Variants in SCN1A observed in about 807,000 individuals in gnomAD.
SCN1A encodes the protein sodium voltage-gated channel alpha subunit 1.
Under a neutral mutation model 193.7 loss-of-function variants are expected in SCN1A, and 13 were observed. The observed-to-expected ratio is 0.07, with a 90% CI of 0.04 to 0.11. SCN1A has a LOEUF of 0.11. Ranked by LOEUF, SCN1A falls within the 10% of genes least tolerant of loss-of-function variation. The pLI, the probability that SCN1A is intolerant of heterozygous loss-of-function variation, is 1.00. For missense variants in SCN1A, 1,432 were observed against 2,451.1 expected, an observed-to-expected ratio of 0.58 and a Z score of 8.78; for synonymous variants, 781 against 843.6, an observed-to-expected ratio of 0.93 and a Z score of 1.29.
chr2:166,060,291 C>T (rs1303012751), intron 4 of SCN1A: 1 of 152,156 alleles, frequency 6.6e-6, no homozygotes, highest in Admixed American at 6.5e-5. Context: ...CCTGTGCTTA[C>T]TAGAAGAACA....
intron 2 of SCN1A, among the ~76,000 whole-genome samples, chr2:166,092,215 A>T (rs1311788891): frequency 6.6e-6 from 1 of 152,088 alleles, no homozygotes; most frequent in Non-Finnish European, 1.5e-5. Flanking sequence ...AATCATGTGG[A>T]GATCTTTTTG....
intron 2 of SCN1A, among the ~76,000 whole-genome samples, chr2:166,100,683 CA>C (rs1687948742): frequency 6.9e-6 from 1 of 144,046 alleles, no homozygotes; most frequent in Non-Finnish European, 1.5e-5. Flanking sequence ...ACAACCCCAT[CA>C]AAAAGTGGGC....
chr2:166,098,759 G>A (rs964121131), intron 2 of SCN1A, among the ~76,000 whole-genome samples: 1 of 152,006 alleles, frequency 6.6e-6, no homozygotes, highest in African/African-American at 2.4e-5. Flanking sequence ...TCTCATTCAC[G>A]ATAGCCACGA....
chr2:166,058,656 G>T lies in SCN1A; in HGVS notation c.297C>A (p.Ile99=), dbSNP rs768294077. ...TFIVLNKGKA[I]FRFSATSALY... ...GGGCAGAGGTGGCACTGAACCGGAA[G>T]ATGGCCTTCCCTTTATTCAATACTA... The change falls in exon 5 of 29, where the codon ATC becomes ATA. Residue 99 remains isoleucine, a synonymous_variant. Coordinates refer to ENST00000674923, the MANE Select transcript of SCN1A (RefSeq NM_001165963.4). 6.2e-7 allele frequency: 1 copy of T among 1,610,988 alleles called. No homozygotes were observed. The highest frequency in any genetic ancestry group is 1.7e-5 in the Admixed American group (1 of 59,974).
intron 9 of SCN1A, among the ~76,000 whole-genome samples, chr2:166,050,637 A>G (rs1326558831): frequency 7.8e-5 from 6 of 77,216 alleles, no homozygotes; most frequent in South Asian, 3.5e-4. Flanking sequence ...ATATATATAT[A>G]TGTGTGTATA....
At chr2:166,134,537 T>C (rs1444690231) in intron 1 of SCN1A, among the ~76,000 whole-genome samples, 1 of 152,150 alleles carries the variant, frequency 6.6e-6, no homozygotes, top group Non-Finnish European at 1.5e-5. Context: ...TCAATCTAGC[T>C]CCACATGCGG....
At chr2:166,031,609 A>ATT (rs1314052939) in intron 19 of SCN1A, among the ~76,000 whole-genome samples, 5 of 152,184 alleles carry the variant, frequency 3.3e-5, no homozygotes, top group African/African-American at 1.2e-4. Flanking sequence ...TACAGAGGGC[A>ATT]AAAGGCAAAC....
At chr2:166,140,769 T>C (rs76425918) in intron 1 of SCN1A, among the ~76,000 whole-genome samples, 1,923 of 152,328 alleles carry the variant, frequency 0.013, 47 homozygotes, top group African/African-American at 0.043. Context: ...GGTGTTTTTT[T>C]CTCAGCTCAT....
chr2:166,039,818 A>T (rs1696919440), intron 16 of SCN1A, among the ~76,000 whole-genome samples: 1 of 152,058 alleles, frequency 6.6e-6, no homozygotes, highest in African/African-American at 2.4e-5. Context: ...TACTTTACAG[A>T]TAAGGAAACT....
intron 2 of SCN1A, among the ~76,000 whole-genome samples, chr2:166,096,576 A>T (rs765376067): frequency 6.6e-6 from 1 of 152,096 alleles, no homozygotes; most frequent in Non-Finnish European, 1.5e-5. Flanking sequence ...CACTGCGCCC[A>T]GCCTGAGAGA....
At chr2:166,003,072 G>GTGGT (rs1691162509) in intron 23 of SCN1A, among the ~76,000 whole-genome samples, 1 of 150,568 alleles carries the variant, frequency 6.6e-6, no homozygotes, top group Non-Finnish European at 1.5e-5. Flanking sequence ...TCAGAATTGT[G>GTGGT]TTATCAGAAT....
At chr2:166,105,021 C>T (rs1217402644) in intron 2 of SCN1A, among the ~76,000 whole-genome samples, 1 of 152,170 alleles carries the variant, frequency 6.6e-6, no homozygotes, top group African/African-American at 2.4e-5. Flanking sequence ...TCAGTGAAGT[C>T]CTAGGGGAAA....
intron 3 of SCN1A, among the ~76,000 whole-genome samples, chr2:166,076,638 T>C (rs904321124): frequency 1.3e-5 from 2 of 151,968 alleles, no homozygotes; most frequent in African/African-American, 4.8e-5. Context: ...ACTTTAAGAC[T>C]TACTGTAAAG....
intron 2 of SCN1A, among the ~76,000 whole-genome samples, chr2:166,121,913 A>G (rs1282323327): frequency 4.6e-5 from 7 of 152,166 alleles, no homozygotes; most frequent in African/African-American, 1.7e-4. Context: ...GTGAACCACA[A>G]TCCAATATGA....
chr2:166,058,900 A>G (rs1252113798), intron 4 of SCN1A, among the ~76,000 whole-genome samples: 1 of 152,110 alleles, frequency 6.6e-6, no homozygotes, highest in Non-Finnish European at 1.5e-5. Flanking sequence ...CCTTTTACCT[A>G]ATACTTACCC....
chr2:166,123,481 T>G (rs1412596146), intron 2 of SCN1A: 1 of 152,120 alleles, frequency 6.6e-6, no homozygotes, highest in Non-Finnish European at 1.5e-5. Context: ...ATTTTTTAAT[T>G]TTTAAAAAAG....
At chr2:166,000,607 C>T (rs778380243) in intron 24 of SCN1A, among the ~76,000 whole-genome samples, 2 of 151,650 alleles carry the variant, frequency 1.3e-5, no homozygotes, top group African/African-American at 4.8e-5. Context: ...GTTCTGATAA[C>T]GCTAACCCTT....
chr2:166,078,400 T>C (rs1415244434), intron 2 of SCN1A, among the ~76,000 whole-genome samples: 2 of 147,230 alleles, frequency 1.4e-5, no homozygotes, highest in African/African-American at 2.7e-5. Context: ...CATTGTATTT[T>C]TTCTCTTCTA....
chr2:166,019,912 CTTTT>C (rs200535265), intron 19 of SCN1A, among the ~76,000 whole-genome samples: 1 of 134,500 alleles, frequency 7.4e-6, no homozygotes, highest in Non-Finnish European at 1.6e-5. Context: ...AGGTGAACTT[CTTTT>C]TTTTTTTTTT....
Sources: allele counts gnomAD v4.1 joint callset (sites outside exome capture counted in the v4.1 genomes callset), GRCh38; gene constraint gnomAD v4.1.1; transcripts MANE v1.5; gene names NCBI Gene and HGNC (gene_info 2026-07-23, HGNC 2026-07-21).